The following TTC7A variants were observed in gnomAD, a reference collection of about 807,000 sequenced individuals.
TTC7A encodes the protein tetratricopeptide repeat protein 7A.
A neutral mutation model predicts 103.7 loss-of-function variants in TTC7A; 110 were observed. That is an observed-to-expected ratio of 1.06 (90% CI 0.91 to 1.24). The LOEUF (loss-of-function observed/expected upper bound fraction) is 1.24, where lower values mean the gene tolerates loss of function less well. TTC7A is among the 50% of genes most tolerant of loss of function. The pLI is 0.00. For missense variants in TTC7A, 1,340 were observed against 1,116.3 expected, an observed-to-expected ratio of 1.20 and a Z score of -2.86; for synonymous variants, 521 against 467.9, an observed-to-expected ratio of 1.11 and a Z score of -1.47.
At chr2:47,011,194 T>A (rs1678004189) in intron 10 of TTC7A, 137 bp from the exon 11 acceptor site, 3 of 695,894 alleles carry the variant, frequency 4.3e-6, no homozygotes, top group Admixed American at 3.2e-5. Context: ...TAGGCTTCTC[T>A]GCCCTGGACC....
chr2:47,054,329 C>A, intron 18 of TTC7A: 1 of 247,086 alleles, frequency 4.0e-6, no homozygotes, highest in Non-Finnish European at 6.5e-6. Context: ...CACTGTCGTC[C>A]ATGTGGTCCA....
chr2:46,945,748 T>C (rs1236107774), intron 1 of TTC7A, among the ~76,000 whole-genome samples: 1 of 152,146 alleles, frequency 6.6e-6, no homozygotes, highest in African/African-American at 2.4e-5. Flanking sequence ...TTTTTTCTTC[T>C]TCTTAAGACT....
chr2:47,066,805 C>G (rs974674644), intron 19 of TTC7A, among the ~76,000 whole-genome samples: 1 of 152,234 alleles, frequency 6.6e-6, no homozygotes, highest in Non-Finnish European at 1.5e-5. Context: ...ATCCTTCCGC[C>G]TCAGCCTCCA....
chr2:46,922,801 G>T (rs550136885), intron 2 of TTC7A, among the ~76,000 whole-genome samples: 1 of 152,226 alleles, frequency 6.6e-6, no homozygotes, highest in South Asian at 2.1e-4. Flanking sequence ...CAGCTGGGAG[G>T]CCTCCAATTC....
intron 18 of TTC7A, among the ~76,000 whole-genome samples, chr2:47,056,493 G>T (rs1434132328): frequency 6.6e-6 from 1 of 152,210 alleles, no homozygotes; most frequent in Non-Finnish European, 1.5e-5. Context: ...CCAGCCTGCG[G>T]GCAAGGCCCT....
chr2:46,997,231 A>T (rs1240560657), intron 8 of TTC7A, among the ~76,000 whole-genome samples: 2 of 152,040 alleles, frequency 1.3e-5, no homozygotes, highest in Non-Finnish European at 2.9e-5. Flanking sequence ...CACCTGCCTC[A>T]GCCTCCCAAA....
intron 16 of TTC7A, chr2:47,047,382 T>C (rs1288885835): frequency 2.3e-6 from 3 of 1,323,308 alleles, no homozygotes; most frequent in Non-Finnish European, 3.2e-6. Flanking sequence ...CAGCCCTCAC[T>C]TTTCAGGCCT....
At chr2:46,987,470 G>A (rs1675131184) in intron 5 of TTC7A, among the ~76,000 whole-genome samples, 1 of 152,172 alleles carries the variant, frequency 6.6e-6, no homozygotes, top group Non-Finnish European at 1.5e-5. Context: ...AAGTGCCTGG[G>A]CATCTCCCAA....
intron 11 of TTC7A, among the ~76,000 whole-genome samples, chr2:47,015,605 G>A (rs1408381467): frequency 6.6e-5 from 10 of 152,286 alleles, no homozygotes; most frequent in Admixed American, 2.6e-4. Flanking sequence ...AATCATGTCC[G>A]CCATTATGGG....
At chr2:47,043,973 G>A (rs760088233) in intron 15 of TTC7A, among the ~76,000 whole-genome samples, 16 of 152,320 alleles carry the variant, frequency 1.1e-4, no homozygotes, top group Middle Eastern at 6.8e-3. Context: ...AGAGAGAAGT[G>A]TGATGCCTGC....
chr2:47,047,562 C>G (rs1053744887), intron 16 of TTC7A, among the ~76,000 whole-genome samples: 1 of 152,270 alleles, frequency 6.6e-6, no homozygotes, highest in African/African-American at 2.4e-5. Flanking sequence ...TGTTTTCCTG[C>G]TCACTGGCTG....
intron 15 of TTC7A, among the ~76,000 whole-genome samples, chr2:47,040,949 G>A (rs1188051100): frequency 6.6e-6 from 1 of 152,212 alleles, no homozygotes; most frequent in African/African-American, 2.4e-5. Context: ...TGCTCTTCTG[G>A]AATGGCTCTT....
At chr2:47,072,267 T>A (rs1036749668) in intron 19 of TTC7A, among the ~76,000 whole-genome samples, 2 of 152,166 alleles carry the variant, frequency 1.3e-5, no homozygotes, top group African/African-American at 4.8e-5. Context: ...CCCTGGCCTC[T>A]GCACGCCTCA....
chr2:46,934,973 G>T (rs1337400838), intron 2 of TTC7A, among the ~76,000 whole-genome samples: 1 of 151,582 alleles, frequency 6.6e-6, no homozygotes, highest in Admixed American at 6.6e-5. Flanking sequence ...GCTAATTTTT[G>T]TATTTTTAGT....
intron 5 of TTC7A, among the ~76,000 whole-genome samples, chr2:46,987,809 C>CGCGCGCGT (rs1466713336): frequency 5.5e-5 from 8 of 144,550 alleles, no homozygotes; most frequent in African/African-American, 2.1e-4. Flanking sequence ...CCTTTCCGCG[C>CGCGCGCGT]GTGTGTGTGT....
At chr2:46,921,400 A>G (rs1558472529) in intron 2 of TTC7A, among the ~76,000 whole-genome samples, 1 of 152,238 alleles carries the variant, frequency 6.6e-6, no homozygotes, top group Non-Finnish European at 1.5e-5. Context: ...ATACCATTAT[A>G]ATAGCATCCC....
intron 10 of TTC7A, among the ~76,000 whole-genome samples, chr2:47,010,845 A>T (rs534325129): frequency 1.2e-4 from 18 of 152,260 alleles, no homozygotes; most frequent in South Asian, 4.1e-4. Context: ...GACTATGGAC[A>T]CACGCCTCCA....
intron 13 of TTC7A, 80 bp downstream of exon 13, chr2:47,023,545 T>C: frequency 7.1e-7 from 1 of 1,412,404 alleles, no homozygotes; most frequent in South Asian, 1.2e-5. Flanking sequence ...TCAGACCCTC[T>C]GATGTGGGCA....
At chr2:46,956,528 G>T (rs76918023) in intron 2 of TTC7A, 2 of 333,440 alleles carry the variant, frequency 6.0e-6, no homozygotes, top group South Asian at 5.1e-5. Context: ...GCAGTCTTTG[G>T]GGGGATTCAG....
Sources: allele counts gnomAD v4.1 joint callset (sites outside exome capture counted in the v4.1 genomes callset), GRCh38; gene constraint gnomAD v4.1.1; transcripts MANE v1.5; gene names NCBI Gene and HGNC (gene_info 2026-07-23, HGNC 2026-07-21).